ANK3: variants seen among roughly 807,000 people sequenced by gnomAD.
ANK3 encodes ankyrin 3.
ANK3 carries 57 observed loss-of-function variants against 370.9 expected under a neutral mutation model. The observed-to-expected ratio is 0.15, with a 90% confidence interval of 0.12 to 0.19. ANK3 has a LOEUF of 0.19. ANK3 is among the 10% of genes least tolerant of loss of function. The pLI is 1.00. For synonymous variants in ANK3, 1,929 were observed against 1,946.3 expected (o/e 0.99, Z 0.23); for missense variants, 4,439 against 5,302.1 (o/e 0.84, Z 5.06).
intron 24 of ANK3, chr10:60,137,390 A>C (rs2094399532): frequency 2.7e-6 from 1 of 367,176 alleles, no homozygotes; most frequent in South Asian, 2.1e-5. Context: ...AAAAAAAAAA[A>C]AACAAGAAAT....
At chr10:60,678,931 A>G (rs1386246178) in intron 1 of ANK3, among the ~76,000 whole-genome samples, 1 of 152,224 alleles carries the variant, frequency 6.6e-6, no homozygotes, top group Non-Finnish European at 1.5e-5. Context: ...AAAGGGTTGA[A>G]TGGCTGATCA....
At chr10:60,717,343 A>G (rs2079805021) in intron 1 of ANK3, among the ~76,000 whole-genome samples, 1 of 152,192 alleles carries the variant, frequency 6.6e-6, no homozygotes. Context: ...TATGCCTGGC[A>G]AGGGTTCTGG....
intron 23 of ANK3, among the ~76,000 whole-genome samples, chr10:60,158,162 CCAGA>C (rs2132270726): frequency 6.6e-6 from 1 of 152,112 alleles, no homozygotes; most frequent in African/African-American, 2.4e-5. Flanking sequence ...AGATACTTTC[CCAGA>C]CAAACAAAAG....
chr10:60,465,318 T>A (rs1418088212), intron 2 of ANK3, among the ~76,000 whole-genome samples: 3 of 152,100 alleles, frequency 2.0e-5, no homozygotes, highest in Admixed American at 6.6e-5. Flanking sequence ...CTTCATTTAC[T>A]ACTGAGACTT....
At chr10:60,308,997 C>T (rs1249113017) in intron 1 of ANK3, among the ~76,000 whole-genome samples, 3 of 152,186 alleles carry the variant, frequency 2.0e-5, no homozygotes, top group Admixed American at 2.0e-4. Context: ...GTTGAATTCA[C>T]ACATCCTATC....
intron 2 of ANK3, among the ~76,000 whole-genome samples, chr10:60,460,111 A>G (rs2064845804): frequency 6.6e-6 from 1 of 152,152 alleles, no homozygotes; most frequent in South Asian, 2.1e-4. Context: ...GAGCACACCC[A>G]CATGAAATTC....
chr10:60,267,213 C>T (rs2097895489), intron 5 of ANK3, among the ~76,000 whole-genome samples: 1 of 152,074 alleles, frequency 6.6e-6, no homozygotes, highest in African/African-American at 2.4e-5. Flanking sequence ...ACTGTTTGTT[C>T]TGTAAATACA....
chr10:60,037,642 C>A (rs2131851019), intron 43 of ANK3, among the ~76,000 whole-genome samples: 1 of 152,232 alleles, frequency 6.6e-6, no homozygotes, highest in Middle Eastern at 3.4e-3. Context: ...TTTATACCTG[C>A]ATAGTATTCC....
intron 2 of ANK3, among the ~76,000 whole-genome samples, chr10:60,457,325 TGC>T (rs1227902642): frequency 6.6e-6 from 1 of 152,170 alleles, no homozygotes; most frequent in Non-Finnish European, 1.5e-5. Flanking sequence ...AAGTAAAAGT[TGC>T]CCTCATAATG....
chr10:60,644,710 A>G (rs1326111308), intron 1 of ANK3, among the ~76,000 whole-genome samples: 3 of 152,206 alleles, frequency 2.0e-5, no homozygotes, highest in Middle Eastern at 3.4e-3. Flanking sequence ...AGATTAGATA[A>G]TGGAAGAGAT....
chr10:60,058,901 C>T (rs1042554197), intron 41 of ANK3, among the ~76,000 whole-genome samples: 6 of 152,166 alleles, frequency 3.9e-5, no homozygotes, highest in African/African-American at 1.2e-4. Flanking sequence ...ATTACAGGTG[C>T]GTGACACCAC....
At chr10:60,118,335 G>A (rs2093248487) in intron 25 of ANK3, among the ~76,000 whole-genome samples, 1 of 152,162 alleles carries the variant, frequency 6.6e-6, no homozygotes, top group African/African-American at 2.4e-5. Context: ...TTACATGCAA[G>A]TCACTATCTC....
At chr10:60,469,046 T>C (rs1296691110) in intron 2 of ANK3, among the ~76,000 whole-genome samples, 1 of 100,206 alleles carries the variant, frequency 1.0e-5, no homozygotes, top group African/African-American at 3.8e-5. Context: ...TATATATATA[T>C]ATATATATAC....
At chr10:60,343,961 G>A (rs1016286240) in intron 1 of ANK3, among the ~76,000 whole-genome samples, 11 of 152,230 alleles carry the variant, frequency 7.2e-5, no homozygotes, top group Non-Finnish European at 1.3e-4. Flanking sequence ...GCTACGGCAA[G>A]TGCCAGTTCT....
In ANK3 at chr10:60,316,423, GC is replaced by G. The variant is rs370115875; in HGVS notation, c.115-36785del. ...GCTCCTTCCTAGCTCTTAATCTTGG[GC>G]TAGTTACTCAGCTTCTTTTCGTCTT... On this transcript the variant is annotated intron_variant, in intron 1 of 43. Transcript: ENST00000280772. Among the ~76,000 whole-genome samples, 872 of 152,242 alleles carry G rather than the reference GC, an allele frequency of 5.7e-3. 7 individuals are homozygous for G. The highest frequency in any genetic ancestry group is 0.02 in the African/African-American group (837 of 41,548).
intron 1 of ANK3, among the ~76,000 whole-genome samples, chr10:60,628,554 A>G (rs1002074893): frequency 1.1e-4 from 16 of 152,186 alleles, no homozygotes; most frequent in Non-Finnish European, 2.1e-4. Context: ...TACATGTCCC[A>G]CGGGAAACCC....
At chr10:60,077,332 A>G (rs182131491) in intron 36 of ANK3, among the ~76,000 whole-genome samples, 3 of 152,358 alleles carry the variant, frequency 2.0e-5, no homozygotes, top group Admixed American at 1.3e-4. Flanking sequence ...AGAAAAAAAC[A>G]GAAAATATGG....
intron 16 of ANK3, among the ~76,000 whole-genome samples, chr10:60,195,632 CT>C (rs2096575096): frequency 6.6e-6 from 1 of 152,092 alleles, no homozygotes. Context: ...AATAATATAG[CT>C]ATATACCCAC....
Position 60,700,640 on chromosome 10 carries a change from A to C in ANK3, c.57+32623T>G, listed in dbSNP as rs1026357783. Among the ~76,000 whole-genome samples, 7 of 152,208 alleles carry C rather than the reference A, an allele frequency of 4.6e-5. No homozygotes were observed. In the East Asian group the frequency reaches 1.3e-3, roughly 29 times the overall value. On this transcript the variant is annotated intron_variant, in intron 1 of 43. Coordinates refer to the ANK3 transcript ENST00000373827. ...ATAATAGGCAGACCAAGCAAGCAAA[A>C]TACAAAATCCAGAATTACTTCTAAT...
Sources: allele counts gnomAD v4.1 joint callset (sites outside exome capture counted in the v4.1 genomes callset), GRCh38; gene constraint gnomAD v4.1.1; transcripts MANE v1.5; gene names NCBI Gene and HGNC (gene_info 2026-07-23, HGNC 2026-07-21).